The following ASB11 variants were observed in gnomAD, a reference collection of about 807,000 sequenced individuals.
ASB11 encodes the protein ankyrin repeat and SOCS box protein 11.
ASB11 carries 17 observed loss-of-function variants against 20.1 expected under a neutral mutation model. The ratio of observed to expected loss-of-function variants is 0.85; its 90% confidence interval spans 0.58 to 1.27. The LOEUF is 1.27. ASB11 is among the 50% of genes most tolerant of loss of function. ASB11 has a pLI of 0.00. For synonymous variants in ASB11, 107 were observed against 105.6 expected (o/e 1.01, Z -0.08); for missense variants, 259 against 256.9 (o/e 1.01, Z -0.06).
intron 6 of ASB11, among the ~76,000 whole-genome samples, chrX:15,286,330 T>C: frequency 9.0e-6 from 1 of 110,745 alleles, no homozygotes; most frequent in South Asian, 3.9e-4. Flanking sequence ...CCTCACTGAA[T>C]GTTTCAAAAG....
intron 1 of ASB11, among the ~76,000 whole-genome samples, chrX:15,309,548 A>C (rs763705026): frequency 5.6e-4 from 62 of 110,851 alleles, no homozygotes; most frequent in African/African-American, 1.6e-3. Context: ...GAATCATCCC[A>C]AAACCATCCC....
chrX:15,289,500 T>G lies in ASB11; in HGVS notation c.655+4A>C. On this transcript the variant is annotated splice_donor_region_variant and intron_variant, in intron 5 of 6. Transcript: ENST00000480796. ...TTCTTCATGAAAATAATTTTGGAAA[T>G]TACCTAATTCTAGAAGTTTCTTCAC... 8.4e-7 allele frequency: 1 copy of G among 1,185,322 alleles called. No individual in the cohort carries two copies. The highest frequency in any genetic ancestry group is 1.1e-6 in the Non-Finnish European group (1 of 882,471).
chrX:15,311,451 A>C (rs936529890), intron 1 of ASB11, among the ~76,000 whole-genome samples: 4 of 112,436 alleles, frequency 3.6e-5, no homozygotes, highest in African/African-American at 6.5e-5. Context: ...ACAACCAGCA[A>C]AACTAAATAA....
chrX:15,283,507 A>G lies in ASB11; in HGVS notation c.970T>C (p.Ter324GlnextTer2), dbSNP rs201380011. Residue 324 changes from the stop codon to glutamine, a stop_lost, in exon 7 of 7, where the codon TAG (stop) becomes CAG (glutamine). Transcript: ENST00000480796. ...EPLERFLLYQ[*>Q] ...TATCTTCCCAGGAACACTTAGGACT[A>G]TTGGTATAGGAGGAATCGTTCGAGT... 6.9e-5 allele frequency: 84 copies of G among 1,209,003 alleles called. No individual in the cohort carries two copies. The highest frequency in any genetic ancestry group is 9.3e-5 in the Non-Finnish European group (83 of 894,592).
intron 1 of ASB11, among the ~76,000 whole-genome samples, chrX:15,308,926 T>C (rs1466969816): frequency 9.0e-6 from 1 of 110,801 alleles, no homozygotes; most frequent in Non-Finnish European, 1.9e-5. Context: ...TTCTGTATTT[T>C]TCTTTTTTGA....
At chrX:15,286,739 C>T (rs1927400247) in intron 6 of ASB11, among the ~76,000 whole-genome samples, 1 of 108,054 alleles carries the variant, frequency 9.3e-6, no homozygotes, top group African/African-American at 3.4e-5. Context: ...TATTATGTAG[C>T]TAGCTGTGTG....
intron 1 of ASB11, among the ~76,000 whole-genome samples, chrX:15,305,138 T>G (rs1369200458): frequency 1.8e-5 from 2 of 111,705 alleles, no homozygotes; most frequent in African/African-American, 6.5e-5. Flanking sequence ...TAGAACAGAA[T>G]TGTAGACATC....
At chrX:15,313,306 C>T (rs888466255) in intron 1 of ASB11, among the ~76,000 whole-genome samples, 4 of 110,324 alleles carry the variant, frequency 3.6e-5, no homozygotes, top group African/African-American at 6.6e-5. Flanking sequence ...GGCTGAGGCA[C>T]GAGAATTGCT....
rs772152625 is a variant in ASB11, at chrX:15,283,539, G to A, written c.938C>T (p.Pro313Leu). Residue 313 changes from proline to leucine, a missense_variant, in exon 7 of 7, where the codon CCA becomes CTA. By Grantham distance (98) the Pro-to-Leu change is moderately conservative. Coordinates refer to ENST00000480796, the MANE Select transcript of ASB11 (RefSeq NM_080873.3). ...TAGGAGGAATCGTTCGAGTGGCTCT[G>A]GCAGATGTAGCTTGTGGATGGCTTG... ...CHQAIHKLHL[P>L]EPLERFLLYQ 4.1e-6 allele frequency: 5 copies of A among 1,208,969 alleles called. No homozygotes were observed. Among genetic ancestry groups the A allele is most frequent in the Non-Finnish European group, 5.6e-6 (5 of 894,551 alleles).
In ASB11 at chrX:15,315,455, T is replaced by C; in HGVS notation, c.151A>G (p.Ile51Val). The change falls in exon 1 of 7, where the codon ATA (isoleucine) becomes GTA (valine). Residue 51 changes from isoleucine (I) to valine (V), a missense_variant. Physicochemically the swap from Ile to Val is conservative, Grantham distance 29. Coordinates refer to ENST00000480796, the MANE Select transcript of ASB11 (RefSeq NM_080873.3). ...VKGNRKEAAR[I>V]AEEIYGGISD... ...ATTCCACCATAGATCTCTTCTGCTATCCTAGCCGCTTCTTTTCTATTTCCT... is the reference window on the plus strand; with the variant it reads ...ATTCCACCATAGATCTCTTCTGCTACCCTAGCCGCTTCTTTTCTATTTCCT... 1 of 1,154,984 alleles carries C rather than the reference T, an allele frequency of 8.7e-7. No individual in the cohort carries two copies. The highest frequency in any genetic ancestry group is 3.1e-5 in the East Asian group (1 of 32,493).
chrX:15,285,140 C>CTTTT (rs767822616), intron 6 of ASB11, among the ~76,000 whole-genome samples: 35 of 81,509 alleles, frequency 4.3e-4, no homozygotes, highest in East Asian at 7.1e-4. Context: ...TTTAATCTTT[C>CTTTT]TTTTTTTTTT....
chrX:15,286,890 G>T (rs1332273508), intron 6 of ASB11, among the ~76,000 whole-genome samples: 1 of 111,432 alleles, frequency 9.0e-6, no homozygotes, highest in Non-Finnish European at 1.9e-5. Context: ...CCTGGCATAC[G>T]TAGAGCTGAA....
In ASB11 at chrX:15,284,373, C is replaced by T. The variant is rs773890792; in HGVS notation, c.848-744G>A. ...ACAGCCACAGAACAGAGGGACAATA[C>T]GGAAAGGGTGTCAGCGGGAAGTTCC... On this transcript the variant is annotated intron_variant, in intron 6 of 6. Coordinates refer to ENST00000480796, the MANE Select transcript of ASB11 (RefSeq NM_080873.3). 6.3e-5 allele frequency among the ~76,000 whole-genome samples: 7 copies of T among 110,805 alleles called. No individual in the cohort carries two copies. The Admixed American group carries it at 6.7e-4, about 11-fold the overall frequency.
chrX:15,314,846 G>T (rs1179630397), intron 1 of ASB11, among the ~76,000 whole-genome samples: 1 of 110,958 alleles, frequency 9.0e-6, no homozygotes, highest in Non-Finnish European at 1.9e-5. Flanking sequence ...AATTTAAAAT[G>T]TTTTGCCCAA....
At position 15,283,283 on chromosome X, in the gene ASB11, G is replaced by T; in HGVS notation, c.*222C>A. 2.8e-6 allele frequency: 1 copy of T among 350,928 alleles called. No homozygotes were observed. The highest frequency in any genetic ancestry group is 4.9e-6 in the Non-Finnish European group (1 of 204,921). The allele number at this position is 350,928 out of a possible 1,213,427, so 28.9% of individuals were successfully genotyped here. On this transcript the variant is annotated 3_prime_UTR_variant, in exon 7 of 7. Coordinates refer to ENST00000480796, the MANE Select transcript of ASB11 (RefSeq NM_080873.3). ...TCTTTTAAGTTTCTTAACAACAAGA[G>T]CTAAAAGCTAAATGGTTTCTACTTG...
In ASB11 at chrX:15,282,995, T is replaced by C. The variant is rs1018242158; in HGVS notation, c.*510A>G. The C allele has an allele frequency of 2.8e-5, 3 of 105,369 alleles. No homozygotes were observed. Among genetic ancestry groups the C allele is most frequent in the African/African-American group, 1.0e-4 (3 of 28,944 alleles). The allele number at this position is 105,369 out of a possible 1,213,427, so 8.7% of individuals were successfully genotyped here. The stretch of plus-strand genomic sequence containing the variant: ...ATATATACGTATATATATATACGTA[T>C]ATGTATGTATATATATATACGTATA... On this transcript the variant is annotated 3_prime_UTR_variant, in exon 7 of 7. Transcript: ENST00000480796.
intron 6 of ASB11, among the ~76,000 whole-genome samples, chrX:15,284,231 G>A (rs769523785): frequency 8.5e-4 from 79 of 93,151 alleles, no homozygotes; most frequent in African/African-American, 3.1e-3. Flanking sequence ...CAGCCTGGGC[G>A]ACAGAGCGAG....
chrX:15,292,682 C>T (rs888531861), intron 4 of ASB11, among the ~76,000 whole-genome samples: 2 of 112,026 alleles, frequency 1.8e-5, no homozygotes, highest in Admixed American at 9.5e-5. Context: ...TTATTATGAA[C>T]GGTTATATTT....
chrX:15,300,934 G>A (rs777195031), intron 2 of ASB11, among the ~76,000 whole-genome samples: 31 of 111,461 alleles, frequency 2.8e-4, no homozygotes, highest in South Asian at 2.6e-3. Context: ...GGTGCAAGAC[G>A]TTTCATTGTG....
Sources: gnomAD v4.1 joint callset for allele counts (sites outside exome capture counted in the v4.1 genomes callset) on GRCh38, gnomAD v4.1.1 for gene constraint, MANE v1.5 for transcripts, NCBI Gene and HGNC (gene_info 2026-07-23, HGNC 2026-07-21) for gene names.